NXPE2: variants seen among roughly 807,000 people sequenced by gnomAD.
NXPE2 encodes NXPE family member 2.
In NXPE2, 34 loss-of-function variants were observed where a neutral mutation model predicts 34.4. The observed-to-expected ratio is 0.99, with a 90% CI of 0.75 to 1.31. The LOEUF (loss-of-function observed/expected upper bound fraction) is 1.31, where lower values mean the gene tolerates loss of function less well. NXPE2 is among the 40% of genes most tolerant of loss of function. NXPE2 has a pLI of 0.00. For synonymous variants in NXPE2, 235 were observed against 231.3 expected, an observed-to-expected ratio of 1.02 and a Z score of -0.15; for missense variants, 649 against 672.5, an observed-to-expected ratio of 0.97 and a Z score of 0.39.
the NXPE2 span, among the ~76,000 whole-genome samples, chr11:114,807,306 A>G: frequency 2.0e-5 from 3 of 152,192 alleles, no homozygotes; most frequent in Non-Finnish European, 4.4e-5. Context: ...TAACAAGCTA[A>G]CATCATAATG....
chr11:114,503,000 A>G, the NXPE2 span, among the ~76,000 whole-genome samples: 14 of 152,190 alleles, frequency 9.2e-5, no homozygotes, highest in Non-Finnish European at 1.9e-4. Context: ...TCTCCCAGAT[A>G]AAGTGGTCTT....
chr11:114,641,397 G>C, the NXPE2 span, among the ~76,000 whole-genome samples: 11 of 151,994 alleles, frequency 7.2e-5, no homozygotes, highest in African/African-American at 2.7e-4. Context: ...GGAAATCTCA[G>C]CAACTTTCAA....
At chr11:114,488,408 G>A in the NXPE2 span, among the ~76,000 whole-genome samples, 3 of 151,878 alleles carry the variant, frequency 2.0e-5, no homozygotes, top group Admixed American at 6.6e-5. Context: ...TGAGCTAAAC[G>A]TTTGTCAATT....
At chr11:114,629,994 A>T in the NXPE2 span, among the ~76,000 whole-genome samples, 513 of 150,982 alleles carry the variant, frequency 3.4e-3, 3 homozygotes, top group African/African-American at 0.012. Flanking sequence ...AAGGAGAACT[A>T]CAAACCACTG....
At chr11:114,618,046 T>C in the NXPE2 span, among the ~76,000 whole-genome samples, 4 of 152,160 alleles carry the variant, frequency 2.6e-5, no homozygotes, top group African/African-American at 7.2e-5. Context: ...GGGTAACAAC[T>C]CTTACCCTGT....
chr11:114,664,559 T>A, the NXPE2 span, among the ~76,000 whole-genome samples: 1 of 152,198 alleles, frequency 6.6e-6, no homozygotes, highest in Non-Finnish European at 1.5e-5. Context: ...CAGACTGTTC[T>A]GCACACACAG....
chr11:114,551,662 C>T, the NXPE2 span, among the ~76,000 whole-genome samples: 1 of 152,050 alleles, frequency 6.6e-6, no homozygotes, highest in Non-Finnish European at 1.5e-5. Context: ...GTTAACTGGG[C>T]AGGGAGGTGG....
the NXPE2 span, among the ~76,000 whole-genome samples, chr11:114,520,737 T>C: frequency 1.3e-5 from 2 of 152,172 alleles, no homozygotes; most frequent in South Asian, 4.1e-4. Context: ...GTATGAGAGT[T>C]CCCTTTGTGT....
chr11:114,625,824 C>T, the NXPE2 span, among the ~76,000 whole-genome samples: 7 of 152,052 alleles, frequency 4.6e-5, no homozygotes, highest in Non-Finnish European at 7.4e-5. Context: ...GAGCACACCA[C>T]GTGCAAGCTG....
the NXPE2 span, among the ~76,000 whole-genome samples, chr11:114,778,526 G>T: frequency 6.6e-6 from 1 of 152,210 alleles, no homozygotes; most frequent in African/African-American, 2.4e-5. Context: ...CTTTGGGGGA[G>T]ATGAGAAGTG....
chr11:114,574,624 CA>C, the NXPE2 span, among the ~76,000 whole-genome samples: 1 of 152,052 alleles, frequency 6.6e-6, no homozygotes, highest in Non-Finnish European at 1.5e-5. Context: ...TGGAAATATA[CA>C]ACCCTCCTAG....
chr11:114,752,858 T>C, the NXPE2 span, among the ~76,000 whole-genome samples: 2 of 152,040 alleles, frequency 1.3e-5, no homozygotes, highest in African/African-American at 4.8e-5. Flanking sequence ...AGCTTGGAGG[T>C]ACACATTTAC....
chr11:114,586,187 A>G, the NXPE2 span, among the ~76,000 whole-genome samples: 3 of 152,154 alleles, frequency 2.0e-5, no homozygotes, highest in Non-Finnish European at 4.4e-5. Context: ...ACCCACTTAA[A>G]TCCCCTGTCT....
chr11:114,667,157 T>G, the NXPE2 span, among the ~76,000 whole-genome samples: 1 of 152,160 alleles, frequency 6.6e-6, no homozygotes, highest in Non-Finnish European at 1.5e-5. Flanking sequence ...TACGTGAAGA[T>G]CCAGGTCCTG....
the NXPE2 span, among the ~76,000 whole-genome samples, chr11:114,489,755 T>A: frequency 6.6e-6 from 1 of 152,206 alleles, no homozygotes; most frequent in Non-Finnish European, 1.5e-5. Context: ...AGTGTCATAC[T>A]GAATGGACAA....
chr11:114,725,976 A>AAAATATATATAT, the NXPE2 span, among the ~76,000 whole-genome samples: 645 of 101,726 alleles, frequency 6.3e-3, 14 homozygotes, highest in African/African-American at 0.02. Context: ...ATAAAAAAAA[A>AAAATATATATAT]ATATATATAT....
At chr11:114,585,685 T>G in the NXPE2 span, among the ~76,000 whole-genome samples, 1 of 151,752 alleles carries the variant, frequency 6.6e-6, no homozygotes, top group African/African-American at 2.4e-5. Context: ...TAGAAAGAAA[T>G]TATTTAGGTA....
chr11:114,705,262 T>C (rs2135573684), intron 4 of NXPE2, among the ~76,000 whole-genome samples: 1 of 152,302 alleles, frequency 6.6e-6, no homozygotes, highest in South Asian at 2.1e-4. Flanking sequence ...AATTAAGATT[T>C]AAGGATTTTA....
chr11:114,736,532 G>A, the NXPE2 span, among the ~76,000 whole-genome samples: 1 of 152,188 alleles, frequency 6.6e-6, no homozygotes, highest in East Asian at 1.9e-4. Flanking sequence ...CCTGAACATT[G>A]CTGTTATCCT....
Sources: allele counts gnomAD v4.1 joint callset (sites outside exome capture counted in the v4.1 genomes callset), GRCh38; gene constraint gnomAD v4.1.1; transcripts MANE v1.5; gene names NCBI Gene and HGNC (gene_info 2026-07-23, HGNC 2026-07-21).